The following IGSF11 variants were observed in gnomAD, a reference collection of about 807,000 sequenced individuals.
IGSF11 encodes the protein CXADR like 1.
Under a neutral mutation model 41.0 loss-of-function variants are expected in IGSF11, and 22 were observed. The observed-to-expected ratio is 0.54, with a 90% CI of 0.38 to 0.77. IGSF11 has a LOEUF of 0.77. Among genes scored for constraint, IGSF11 ranks in the 30% least tolerant of loss-of-function variants. IGSF11 has a pLI of 0.00. For missense variants in IGSF11, 444 were observed against 530.8 expected (o/e 0.84, Z 1.61); for synonymous variants, 219 against 201.3 (o/e 1.09, Z -0.74).
At chr3:119,043,049 G>C (rs562713617) in intron 1 of IGSF11, among the ~76,000 whole-genome samples, 1 of 152,176 alleles carries the variant, frequency 6.6e-6, no homozygotes, top group African/African-American at 2.4e-5. Flanking sequence ...AGCTCTATTA[G>C]AAGCTGTGGG....
At chr3:119,122,698 C>A (rs557226604) in intron 1 of IGSF11, among the ~76,000 whole-genome samples, 2 of 152,194 alleles carry the variant, frequency 1.3e-5, no homozygotes, top group Non-Finnish European at 2.9e-5. Context: ...CCAGCTCAGA[C>A]ACGAGGATGG....
chr3:118,999,469 C>A (rs1407405351), intron 1 of IGSF11, among the ~76,000 whole-genome samples: 1 of 152,126 alleles, frequency 6.6e-6, no homozygotes, highest in African/African-American at 2.4e-5. Context: ...GAGTTAATTT[C>A]ATCCCAAACC....
At chr3:118,952,130 ATATCT>A (rs1489988102) in intron 1 of IGSF11, among the ~76,000 whole-genome samples, 4 of 152,166 alleles carry the variant, frequency 2.6e-5, no homozygotes, top group Non-Finnish European at 5.9e-5. Context: ...AAAACAGTAC[ATATCT>A]TAAAGTAAAA....
At chr3:118,958,808 C>T (rs1007649614) in intron 1 of IGSF11, among the ~76,000 whole-genome samples, 1 of 152,032 alleles carries the variant, frequency 6.6e-6, no homozygotes, top group African/African-American at 2.4e-5. Context: ...TATAATAACA[C>T]GATGAAACAG....
chr3:118,950,020 C>T (rs1431577272), intron 1 of IGSF11, among the ~76,000 whole-genome samples: 1 of 152,256 alleles, frequency 6.6e-6, no homozygotes, highest in South Asian at 2.1e-4. Flanking sequence ...ATTACCAATG[C>T]AAACCCTCAA....
intron 1 of IGSF11, among the ~76,000 whole-genome samples, chr3:118,933,383 C>T (rs1320179488): frequency 6.6e-6 from 1 of 151,790 alleles, no homozygotes; most frequent in Non-Finnish European, 1.5e-5. Context: ...ATGACTACCA[C>T]CACCACTACT....
chr3:118,900,869 G>A lies in IGSF11; in HGVS notation c.*1651C>T, dbSNP rs767867677. ...TTCAGCTTTTTATCAATACTGAAAT[G>A]GTTGGCAATGGTTAGGTTCTGAGTG... On this transcript the variant is annotated 3_prime_UTR_variant, in exon 7 of 7. Coordinates refer to ENST00000393775, the MANE Select transcript of IGSF11 (RefSeq NM_001015887.3). The A allele has an allele frequency of 6.6e-6, 1 of 152,546 alleles. No homozygotes were observed. The highest frequency in any genetic ancestry group is 1.5e-5 in the Non-Finnish European group (1 of 68,028). 9.4% of individuals were successfully genotyped at this position (152,546 alleles called of 1,614,324 possible).
intron 4 of IGSF11, among the ~76,000 whole-genome samples, chr3:118,916,872 G>A (rs986107184): frequency 2.0e-5 from 3 of 151,796 alleles, no homozygotes; most frequent in Non-Finnish European, 2.9e-5. Flanking sequence ...GCTCTCCTCA[G>A]CAAATGTGAA....
chr3:118,987,916 C>G (rs112201619), intron 1 of IGSF11, among the ~76,000 whole-genome samples: 1,807 of 152,298 alleles, frequency 0.012, 40 homozygotes, highest in African/African-American at 0.041. Flanking sequence ...GACTGATCAC[C>G]ATTACTCCAA....
At chr3:119,068,817 T>C (rs543994071) in intron 1 of IGSF11, among the ~76,000 whole-genome samples, 3 of 152,144 alleles carry the variant, frequency 2.0e-5, no homozygotes, top group Non-Finnish European at 2.9e-5. Context: ...CAATGGTTTA[T>C]TTATTCTAAA....
At chr3:118,933,821 C>A (rs1219150115) in intron 1 of IGSF11, among the ~76,000 whole-genome samples, 2 of 152,146 alleles carry the variant, frequency 1.3e-5, no homozygotes, top group Non-Finnish European at 2.9e-5. Context: ...CCTTCTACTT[C>A]CTGCTTCTCA....
At chr3:119,012,029 C>CAGAG (rs766318248) in intron 1 of IGSF11, among the ~76,000 whole-genome samples, 1 of 148,366 alleles carries the variant, frequency 6.7e-6, no homozygotes, top group African/African-American at 2.5e-5. Context: ...TACACACACA[C>CAGAG]AGAGAGAGAG....
intron 1 of IGSF11, among the ~76,000 whole-genome samples, chr3:119,103,842 G>T (rs2076977056): frequency 1.3e-5 from 2 of 152,120 alleles, no homozygotes; most frequent in South Asian, 2.1e-4. Flanking sequence ...ATAAGGAATT[G>T]TTGGGTATTT....
chr3:119,051,033 T>G (rs182907215), intron 1 of IGSF11, among the ~76,000 whole-genome samples: 1,790 of 150,242 alleles, frequency 0.012, 34 homozygotes, highest in East Asian at 0.078. Flanking sequence ...CATTGGGAGA[T>G]ATACCTAATG....
chr3:119,027,545 T>C (rs1282653717), intron 1 of IGSF11, among the ~76,000 whole-genome samples: 2 of 152,138 alleles, frequency 1.3e-5, no homozygotes. Context: ...TATTCAGCTT[T>C]GGGGAAAAAA....
intron 1 of IGSF11, among the ~76,000 whole-genome samples, chr3:118,970,765 AACC>A (rs1421410680): frequency 6.6e-6 from 1 of 151,870 alleles, no homozygotes; most frequent in Non-Finnish European, 1.5e-5. Flanking sequence ...AAAAAAAAAA[AACC>A]ACAACTAATT....
At chr3:119,058,126 A>G (rs1941920361) in intron 1 of IGSF11, among the ~76,000 whole-genome samples, 1 of 152,220 alleles carries the variant, frequency 6.6e-6, no homozygotes, top group African/African-American at 2.4e-5. Flanking sequence ...GACAAATGGG[A>G]TCTAATTAAA....
At chr3:119,025,445 CACTA>C (rs1474975481) in intron 1 of IGSF11, among the ~76,000 whole-genome samples, 2 of 147,858 alleles carry the variant, frequency 1.4e-5, no homozygotes, top group East Asian at 2.0e-4. Flanking sequence ...CAGTAACTGC[CACTA>C]ACTGAGCACT....
upstream of IGSF11, among the ~76,000 whole-genome samples, chr3:119,039,635 T>C (rs903597196): frequency 2.0e-5 from 3 of 152,180 alleles, no homozygotes; most frequent in Non-Finnish European, 2.9e-5. Context: ...AGTCCCCCAT[T>C]ATCTCTCTGA....
Sources: gnomAD v4.1 joint callset for allele counts (sites outside exome capture counted in the v4.1 genomes callset) on GRCh38, gnomAD v4.1.1 for gene constraint, MANE v1.5 for transcripts, NCBI Gene and HGNC (gene_info 2026-07-23, HGNC 2026-07-21) for gene names.